The following GREB1L variants were observed in gnomAD, a reference collection of about 807,000 sequenced individuals.
The protein encoded by GREB1L is GREB1-like protein.
GREB1L carries 17 observed loss-of-function variants against 200.8 expected under a neutral mutation model. That is an observed-to-expected ratio of 0.08 (90% CI 0.06 to 0.13). The LOEUF is 0.13. Among genes scored for constraint, GREB1L ranks in the 10% least tolerant of loss-of-function variants. GREB1L has a pLI of 1.00. For missense variants in GREB1L, 1,657 were observed against 2,367.7 expected, an observed-to-expected ratio of 0.70 and a Z score of 6.23; for synonymous variants, 789 against 893.0, an observed-to-expected ratio of 0.88 and a Z score of 2.08.
chr18:21,326,376 C>T (rs2039022978), intron 1 of GREB1L, among the ~76,000 whole-genome samples: 2 of 152,136 alleles, frequency 1.3e-5, no homozygotes, highest in African/African-American at 2.4e-5. Flanking sequence ...TTATTTCTCT[C>T]TTTTAGGAAG....
chr18:21,394,326 C>T (rs1439738725), intron 4 of GREB1L, among the ~76,000 whole-genome samples: 7 of 152,184 alleles, frequency 4.6e-5, no homozygotes, highest in Non-Finnish European at 8.8e-5. Context: ...TGAGTACAGA[C>T]GGAATCATTC....
chr18:21,372,769 A>G (rs1205498583), intron 2 of GREB1L, among the ~76,000 whole-genome samples: 1 of 152,112 alleles, frequency 6.6e-6, no homozygotes, highest in Non-Finnish European at 1.5e-5. Context: ...TAAAAATACA[A>G]AATTAGCTGG....
At chr18:21,248,678 C>T (rs1189852996) in intron 1 of GREB1L, among the ~76,000 whole-genome samples, 1 of 152,170 alleles carries the variant, frequency 6.6e-6, no homozygotes, top group Non-Finnish European at 1.5e-5. Context: ...AGTAATTTGG[C>T]ATTATGTTTC....
At chr18:21,354,452 T>C (rs2039476406) in intron 1 of GREB1L, among the ~76,000 whole-genome samples, 1 of 152,176 alleles carries the variant, frequency 6.6e-6, no homozygotes, top group Non-Finnish European at 1.5e-5. Flanking sequence ...AAAAAATAGT[T>C]TGAGTGCCTC....
At chr18:21,257,004 CAAAAAAAAAAA>C (rs747739158) in intron 1 of GREB1L, among the ~76,000 whole-genome samples, 117 of 62,122 alleles carry the variant, frequency 1.9e-3, no homozygotes, top group Admixed American at 5.2e-3. Flanking sequence ...GACTCCGTCT[CAAAAAAAAAAA>C]AAAAAAAAAA....
intron 7 of GREB1L, among the ~76,000 whole-genome samples, chr18:21,413,951 C>T (rs1268145586): frequency 6.6e-6 from 1 of 152,210 alleles, no homozygotes; most frequent in Non-Finnish European, 1.5e-5. Context: ...AACCGACACT[C>T]TCAGCCAGGC....
chr18:21,450,897 T>C (rs1384894217), intron 12 of GREB1L, 126 bp from the exon 13 acceptor site: 3 of 821,654 alleles, frequency 3.7e-6, no homozygotes, highest in Non-Finnish European at 5.6e-6. Context: ...TGATGTGTCA[T>C]AATTTTCTTA....
At position 21,500,174 on chromosome 18, in the gene GREB1L, G is replaced by C; in HGVS notation, c.3837G>C (p.Glu1279Asp). Residue 1279 changes from glutamate (E) to aspartate (D), a missense_variant, in exon 22 of 33, where the codon GAG (glutamate) becomes GAC (aspartate). By Grantham distance (45) the Glu-to-Asp change is conservative. Coordinates refer to ENST00000424526, the MANE Select transcript of GREB1L (RefSeq NM_001142966.3). The part of the protein sequence containing the change: ...RPLLNKDMSS[E>D]EQSLYYRQWT... ...TCCTGAACAAGGACATGAGCAGTGA[G>C]GAGCAGTCCCTCTACTACAGGCAGT... is the stretch of plus-strand genomic sequence containing the variant. 1 of 1,551,026 alleles carries C rather than the reference G, an allele frequency of 6.4e-7. No homozygotes were observed. Among genetic ancestry groups the C allele is most frequent in the East Asian group, 2.4e-5 (1 of 40,916 alleles).
intron 2 of GREB1L, among the ~76,000 whole-genome samples, chr18:21,382,272 C>T (rs1235377806): frequency 6.6e-6 from 1 of 151,346 alleles, no homozygotes; most frequent in Non-Finnish European, 1.5e-5. Flanking sequence ...ACCTGGGAGG[C>T]GGAGGTTGCA....
intron 1 of GREB1L, among the ~76,000 whole-genome samples, chr18:21,329,717 A>G (rs2039078499): frequency 6.6e-6 from 1 of 152,074 alleles, no homozygotes; most frequent in South Asian, 2.1e-4. Flanking sequence ...AAACAAAAAC[A>G]ATGAGGATTG....
intron 15 of GREB1L, among the ~76,000 whole-genome samples, chr18:21,461,951 A>G (rs1326904534): frequency 1.3e-5 from 2 of 152,244 alleles, no homozygotes; most frequent in Non-Finnish European, 2.9e-5. Context: ...AGTAAGAGAC[A>G]TTAGTTAATG....
intron 19 of GREB1L, among the ~76,000 whole-genome samples, chr18:21,490,629 G>A (rs1397260968): frequency 7.9e-5 from 12 of 152,098 alleles, no homozygotes; most frequent in Non-Finnish European, 1.6e-4. Flanking sequence ...TTGACCCCAT[G>A]TTTATTGGCC....
At chr18:21,270,619 T>C (rs1462942446) in intron 1 of GREB1L, among the ~76,000 whole-genome samples, 1 of 152,230 alleles carries the variant, frequency 6.6e-6, no homozygotes, top group Non-Finnish European at 1.5e-5. Flanking sequence ...AATCTTTTAC[T>C]TAAAACAACT....
intron 7 of GREB1L, among the ~76,000 whole-genome samples, chr18:21,426,959 A>AAAAAAAAAAAAAAC: frequency 1.4e-5 from 1 of 71,548 alleles, no homozygotes; most frequent in Non-Finnish European, 2.2e-5. Flanking sequence ...ACTACGTCTC[A>AAAAAAAAAAAAAAC]AAAAAAAAAA....
chr18:21,383,611 G>A lies in GREB1L; in HGVS notation c.93G>A (p.Val31=). The A allele has an allele frequency of 6.4e-7, 1 of 1,551,060 alleles. No homozygotes were observed. Among genetic ancestry groups the A allele is most frequent in the Admixed American group, 2.0e-5 (1 of 50,892 alleles). The change falls in exon 3 of 33, where the codon GTG becomes GTA. Residue 31 remains valine (V), a synonymous_variant. Coordinates refer to ENST00000424526, the MANE Select transcript of GREB1L (RefSeq NM_001142966.3). The part of the protein sequence containing the change: ...SIEASLRCSS[V]VPRPIFSQLY... ...AAGCCTCCCTCAGATGTAGTAGTGTGGTACCACGGCCAATTTTTTCCCAGC... is the reference window on the plus strand; with the variant it reads ...AAGCCTCCCTCAGATGTAGTAGTGTAGTACCACGGCCAATTTTTTCCCAGC...
At chr18:21,428,332 CTTTTTTTTTTTTTTT>C (rs59982674) in intron 7 of GREB1L, among the ~76,000 whole-genome samples, 1 of 54,024 alleles carries the variant, frequency 1.9e-5, no homozygotes, top group East Asian at 6.7e-4. Flanking sequence ...GTCTTTTTGT[CTTTTTTTTTTTTTTT>C]TTTTTTTTTT....
intron 15 of GREB1L, among the ~76,000 whole-genome samples, chr18:21,464,921 G>A (rs1400370336): frequency 6.6e-6 from 1 of 152,144 alleles, no homozygotes; most frequent in Non-Finnish European, 1.5e-5. Context: ...GAGGCTGTTG[G>A]TTATTTTAAA....
intron 9 of GREB1L, 70 bp from the exon 10 acceptor site, chr18:21,441,330 C>T (rs1598845048): frequency 7.8e-7 from 1 of 1,284,278 alleles, no homozygotes; most frequent in Non-Finnish European, 1.0e-6. Flanking sequence ...AGTATTAAAA[C>T]TGCATTGCTT....
At chr18:21,280,096 G>A (rs1207540067) in intron 1 of GREB1L, among the ~76,000 whole-genome samples, 1 of 152,150 alleles carries the variant, frequency 6.6e-6, no homozygotes, top group African/African-American at 2.4e-5. Context: ...CATTGTATGG[G>A]TTTTGACACA....
Sources: gnomAD v4.1 joint callset for allele counts (sites outside exome capture counted in the v4.1 genomes callset) on GRCh38, gnomAD v4.1.1 for gene constraint, MANE v1.5 for transcripts, NCBI Gene and HGNC (gene_info 2026-07-23, HGNC 2026-07-21) for gene names.